ACACB: variants seen among roughly 807,000 people sequenced by gnomAD.
ACACB encodes the protein acetyl-CoA carboxylase 2.
A neutral mutation model predicts 278.8 loss-of-function variants in ACACB; 209 were observed. That is an observed-to-expected ratio of 0.75 (90% CI 0.67 to 0.84). The LOEUF is 0.84. Among genes scored for constraint, ACACB ranks in the 40% least tolerant of loss-of-function variants. ACACB has a pLI of 0.00. For missense variants in ACACB, 2,850 were observed against 3,269.0 expected (o/e 0.87, Z 3.13); for synonymous variants, 1,174 against 1,285.6 (o/e 0.91, Z 1.86).
chr12:109,124,090 C>T (rs2042619874), intron 1 of ACACB, among the ~76,000 whole-genome samples: 1 of 151,784 alleles, frequency 6.6e-6, no homozygotes, highest in Non-Finnish European at 1.5e-5. Flanking sequence ...TTTTTTAAAC[C>T]ATTGCCATAA....
At chr12:109,205,980 C>T (rs952964149) in intron 19 of ACACB, among the ~76,000 whole-genome samples, 1 of 152,010 alleles carries the variant, frequency 6.6e-6, no homozygotes, top group African/African-American at 2.4e-5. Context: ...CATGTGTTTA[C>T]CTAAGACTGA....
intron 43 of ACACB, 104 bp from the exon 44 acceptor site, chr12:109,254,110 G>A (rs2047164121): frequency 2.8e-6 from 4 of 1,410,280 alleles, no homozygotes; most frequent in Non-Finnish European, 4.0e-6. Flanking sequence ...AGGGGATATT[G>A]CTGCATAACC....
chr12:109,258,637 T>C (rs1313266170), intron 46 of ACACB, among the ~76,000 whole-genome samples: 1 of 152,236 alleles, frequency 6.6e-6, no homozygotes. Context: ...TTGCTGTTTC[T>C]GCGCTAGGCC....
At chr12:109,156,878 A>G (rs917024870) in intron 2 of ACACB, among the ~76,000 whole-genome samples, 4 of 152,018 alleles carry the variant, frequency 2.6e-5, no homozygotes, top group Admixed American at 2.0e-4. Context: ...AATAGCCACT[A>G]CCACTCATGG....
At chr12:109,234,447 A>G (rs1479023228) in intron 31 of ACACB, among the ~76,000 whole-genome samples, 1 of 152,130 alleles carries the variant, frequency 6.6e-6, no homozygotes, top group Non-Finnish European at 1.5e-5. Flanking sequence ...TAAGCCTGTG[A>G]TGCCATTGTA....
At chr12:109,254,457 G>A in intron 44 of ACACB, 123 bp downstream of exon 44, 1 of 979,514 alleles carries the variant, frequency 1.0e-6, no homozygotes, top group African/African-American at 1.9e-5. Flanking sequence ...ATATCCCAGA[G>A]AGGTATACCT....
intron 2 of ACACB, among the ~76,000 whole-genome samples, chr12:109,156,899 G>A (rs2043557231): frequency 6.6e-6 from 1 of 152,120 alleles, no homozygotes; most frequent in African/African-American, 2.4e-5. Flanking sequence ...GGTGCTTTCA[G>A]TATGCCAGGC....
chr12:109,169,407 C>T (rs915022837), intron 4 of ACACB, among the ~76,000 whole-genome samples: 3 of 152,240 alleles, frequency 2.0e-5, no homozygotes, highest in South Asian at 2.1e-4. Context: ...TCATGTGATG[C>T]GGGTGGGATG....
chr12:109,205,040 G>A (rs2045458881), intron 19 of ACACB, among the ~76,000 whole-genome samples: 1 of 152,118 alleles, frequency 6.6e-6, no homozygotes, highest in African/African-American at 2.4e-5. Flanking sequence ...TTTTAGTAGT[G>A]ATGGGGTTTC....
intron 38 of ACACB, 122 bp downstream of exon 38, chr12:109,245,870 C>A: frequency 7.8e-7 from 1 of 1,287,040 alleles, no homozygotes; most frequent in Non-Finnish European, 1.1e-6. Flanking sequence ...GGGTGGATCA[C>A]TTGAGGTCAG....
At chr12:109,149,161 C>T (rs967556799) in intron 2 of ACACB, among the ~76,000 whole-genome samples, 2 of 152,284 alleles carry the variant, frequency 1.3e-5, no homozygotes, top group African/African-American at 4.8e-5. Flanking sequence ...GTATTAGTGT[C>T]ACTGCCTAAC....
Position 109,242,695 on chromosome 12 carries a change from G to A in ACACB, c.5178+103G>A, listed in dbSNP as rs1281261542. 2.8e-6 allele frequency: 4 copies of A among 1,407,166 alleles called. No homozygotes were observed. The East Asian group carries it at 9.2e-5, about 33-fold the overall frequency. The allele number at this position is 1,407,166 out of a possible 1,614,324, so 87.2% of individuals were successfully genotyped here. A position where few individuals can be genotyped will look rare whatever the true frequency, so the allele number is the denominator to read the frequency against. On this transcript the variant is annotated intron_variant, in intron 37 of 52. Coordinates refer to ENST00000338432, the MANE Select transcript of ACACB (RefSeq NM_001093.4). The stretch of plus-strand genomic sequence containing the variant: ...TCTCCTTCTAAAGACCTAGTCTAAA[G>A]GACAAGGTCTTGCCAGGTGCGGTGG...
chr12:109,202,305 GTAT>G (rs937576327), intron 19 of ACACB, among the ~76,000 whole-genome samples: 22 of 151,970 alleles, frequency 1.4e-4, no homozygotes, highest in Admixed American at 9.2e-4. Context: ...TTAATTGTTA[GTAT>G]TATTATTATT....
upstream of ACACB, among the ~76,000 whole-genome samples, chr12:109,114,338 G>T (rs1161481137): frequency 6.6e-6 from 1 of 152,102 alleles, no homozygotes; most frequent in Non-Finnish European, 1.5e-5. Context: ...TGGGGTGAGG[G>T]TGTGGGAGAG....
chr12:109,161,281 C>T (rs1327644250), intron 2 of ACACB, among the ~76,000 whole-genome samples: 1 of 152,176 alleles, frequency 6.6e-6, no homozygotes. Flanking sequence ...TGGGGTCTCA[C>T]GCCTGTAATC....
chr12:109,222,152 C>A (rs1204496901), intron 24 of ACACB, among the ~76,000 whole-genome samples: 3 of 152,104 alleles, frequency 2.0e-5, no homozygotes, highest in Non-Finnish European at 2.9e-5. Flanking sequence ...CTCAGCCACC[C>A]AAAGTGCTGG....
chr12:109,199,196 AAAAAT>A (rs2136322074), intron 17 of ACACB, among the ~76,000 whole-genome samples: 1 of 152,208 alleles, frequency 6.6e-6, no homozygotes, highest in South Asian at 2.1e-4. Flanking sequence ...TCTCAAAAAA[AAAAAT>A]AAAATAAGAA....
Position 109,206,748 on chromosome 12 carries a change from A to G in ACACB, c.2952A>G (p.Thr984=), listed in dbSNP as rs766230810. 17 of 1,613,998 alleles carry G rather than the reference A, an allele frequency of 1.1e-5. No individual in the cohort carries two copies. The Admixed American group carries it at 2.5e-4, about 24-fold the overall frequency. Residue 984 remains threonine (T), a synonymous_variant, in exon 20 of 53, where the codon ACA becomes ACG. Transcript: ENST00000338432. ...CAGGAGAACTCCCTGCCCAGCAGAC[A>G]CTGCCCATCCTCGGAGAGAAACTGC... ...PFTGELPAQQ[T]LPILGEKLHQ...
chr12:109,215,492 G>A (rs530791514), intron 22 of ACACB, among the ~76,000 whole-genome samples: 6 of 152,152 alleles, frequency 3.9e-5, no homozygotes, highest in African/African-American at 1.2e-4. Context: ...GGCTGGGCGC[G>A]GTGGCTCATG....
Sources: gnomAD v4.1 joint callset for allele counts (sites outside exome capture counted in the v4.1 genomes callset) on GRCh38, gnomAD v4.1.1 for gene constraint, MANE v1.5 for transcripts, NCBI Gene and HGNC (gene_info 2026-07-23, HGNC 2026-07-21) for gene names.